The following LHFPL5 variants were observed in gnomAD, a reference collection of about 807,000 sequenced individuals.
LHFPL5 encodes LHFPL tetraspan subfamily member 5, also known as LHFPL tetraspan subfamily member 5 protein.
In LHFPL5, 12 loss-of-function variants were observed where a neutral mutation model predicts 18.7. The ratio of observed to expected loss-of-function variants is 0.64; its 90% CI spans 0.41 to 1.04. The LOEUF is 1.04. Ranked by LOEUF, LHFPL5 falls within the 50% of genes least tolerant of loss-of-function variation. The probability of loss-of-function intolerance (pLI) is 0.00; values close to 1 mark genes in which losing one functional copy is unlikely to be tolerated. For missense variants in LHFPL5, 259 were observed against 292.1 expected (o/e 0.89, Z 0.83); for synonymous variants, 111 against 120.2 (o/e 0.92, Z 0.50).
chr6:35,818,335 ATATATATATATATGTATTTTTTTTTTTT>A (rs1768799278), intron 2 of LHFPL5, among the ~76,000 whole-genome samples: 1 of 7,658 alleles, frequency 1.3e-4, no homozygotes, highest in African/African-American at 2.3e-4. Flanking sequence ...ATATATATAT[ATATATATATATATGTATTTTTTTTTTTT>A]TTTTTTTTTT....
chr6:35,806,812 TTTG>T (rs958926834), intron 1 of LHFPL5, among the ~76,000 whole-genome samples: 58 of 152,062 alleles, frequency 3.8e-4, no homozygotes, highest in African/African-American at 1.3e-3. Flanking sequence ...TTAGGGTCCT[TTTG>T]TTGTTGTTGT....
In LHFPL5 at chr6:35,805,608, C is replaced by T; in HGVS notation, c.-63C>T. 1.9e-6 allele frequency: 3 copies of T among 1,574,962 alleles called. No homozygotes were observed. Among genetic ancestry groups the T allele is most frequent in the Non-Finnish European group, 2.6e-6 (3 of 1,147,002 alleles). The stretch of plus-strand genomic sequence containing the variant: ...TGGGGAGTGACCTGCTTCTAGGCCT[C>T]CATCCACAAAGCTACGGACTTGCAG... On this transcript the variant is annotated 5_prime_UTR_variant, in exon 1 of 4. Transcript: ENST00000360215. The surrounding 1 kb of genome is among the most constrained non-coding windows in gnomAD (Gnocchi z 4.3).
chr6:35,819,564 C>A, intron 3 of LHFPL5, 101 bp downstream of exon 3: 3 of 1,116,766 alleles, frequency 2.7e-6, no homozygotes, highest in Admixed American at 2.0e-5. Context: ...AGGGGCTGGG[C>A]TGTAAGGCTG....
chr6:35,805,840 C>A lies in LHFPL5; in HGVS notation c.170C>A (p.Pro57Gln). The change falls in exon 1 of 4, where the codon CCG (proline) becomes CAG (glutamine). Residue 57 changes from proline to glutamine, a missense_variant. Coordinates refer to ENST00000360215, the MANE Select transcript of LHFPL5 (RefSeq NM_182548.4). This position sits in a 1 kb window ranked among gnomAD's most constrained non-coding sequence, Gnocchi z 4.3. ...TGGATCGGCGACAGCGTCAACACAC[C>A]GCAGGCAGGCTACTTCGGCCTTTTC... is the stretch of plus-strand genomic sequence containing the variant. The part of the protein sequence containing the change: ...PYWIGDSVNT[P>Q]QAGYFGLFSY... 1.2e-6 allele frequency: 2 copies of A among 1,614,258 alleles called. No homozygotes were observed. Among genetic ancestry groups the A allele is most frequent in the Non-Finnish European group, 8.5e-7 (1 of 1,180,038 alleles).
chr6:35,819,583 C>T, intron 3 of LHFPL5, 120 bp downstream of exon 3: 1 of 970,338 alleles, frequency 1.0e-6, no homozygotes, highest in Non-Finnish European at 1.6e-6. Context: ...TGTGATGCTG[C>T]TTGGGGAGAG....
intron 1 of LHFPL5, among the ~76,000 whole-genome samples, chr6:35,812,551 C>T (rs1415282706): frequency 2.0e-5 from 3 of 152,178 alleles, no homozygotes; most frequent in Non-Finnish European, 4.4e-5. Context: ...GTGGGGGCAA[C>T]AGAATTTTTA....
At chr6:35,817,133 A>C (rs1320007227) in intron 2 of LHFPL5, among the ~76,000 whole-genome samples, 1 of 152,160 alleles carries the variant, frequency 6.6e-6, no homozygotes, top group Non-Finnish European at 1.5e-5. Context: ...CATCCTGGCT[A>C]ACATAGTGAA....
At chr6:35,815,279 T>C (rs373427458) in intron 2 of LHFPL5, among the ~76,000 whole-genome samples, 6 of 152,192 alleles carry the variant, frequency 3.9e-5, no homozygotes, top group East Asian at 3.9e-4. Context: ...ATTCTCGTAA[T>C]GTTCGTCCTG....
chr6:35,822,595 C>T (rs1768886565), intron 3 of LHFPL5, among the ~76,000 whole-genome samples: 1 of 151,996 alleles, frequency 6.6e-6, no homozygotes, highest in Admixed American at 6.6e-5. Flanking sequence ...GCAACCTCTG[C>T]CTCCCAGGTT....
At chr6:35,821,481 G>GTGTGTGTA (rs1554147693) in intron 3 of LHFPL5, among the ~76,000 whole-genome samples, 29,382 of 146,908 alleles carry the variant, frequency 0.2, 3,187 homozygotes, top group South Asian at 0.32. Context: ...GTGTGTGTGT[G>GTGTGTGTA]TGTGTGTGTG....
intron 2 of LHFPL5, among the ~76,000 whole-genome samples, chr6:35,816,762 A>T (rs1198631181): frequency 1.4e-5 from 2 of 147,372 alleles, no homozygotes; most frequent in Non-Finnish European, 3.0e-5. Flanking sequence ...CAGTGAGCTG[A>T]GATTGTACCA....
chr6:35,806,771 G>C (rs1341096005), intron 1 of LHFPL5, among the ~76,000 whole-genome samples: 6 of 152,154 alleles, frequency 3.9e-5, no homozygotes, highest in Non-Finnish European at 1.5e-5. Context: ...GCAGCAAATG[G>C]AGTGATATTT....
chr6:35,811,712 C>A (rs1263171767), intron 1 of LHFPL5, among the ~76,000 whole-genome samples: 1 of 152,224 alleles, frequency 6.6e-6, no homozygotes. Context: ...TTCACCTCTG[C>A]CCATGAAGCC....
chr6:35,805,967 CTT>C lies in LHFPL5; in HGVS notation c.299_300del (p.Phe100CysfsTer28). The C allele has an allele frequency of 1.2e-6, 2 of 1,614,234 alleles. No homozygotes were observed. Among genetic ancestry groups the C allele is most frequent in the Non-Finnish European group, 1.7e-6 (2 of 1,180,030 alleles). On this transcript the variant is annotated frameshift_variant, in exon 1 of 4. Coordinates refer to ENST00000360215, the MANE Select transcript of LHFPL5 (RefSeq NM_182548.4). LOFTEE classifies it high-confidence loss of function. The surrounding 1 kb of genome is among the most constrained non-coding windows in gnomAD (Gnocchi z 4.3). Reference protein sequence around the residue: ...PSRAFKTAMFFVALGMFLIIG... With the variant: ...PSRAFKTAMFXVALGMFLIIG... ...CTAGAGCCTTCAAGACTGCCATGTT[CTT>C]TGTGGCCTTGGGCATGTTCCTCATC...
intron 3 of LHFPL5, among the ~76,000 whole-genome samples, chr6:35,821,770 C>T (rs147787498): frequency 2.4e-4 from 36 of 150,738 alleles, no homozygotes; most frequent in African/African-American, 7.1e-4. Flanking sequence ...CATGAGCCAC[C>T]GTGCTCGGCT....
At chr6:35,821,655 A>G (rs939509885) in intron 3 of LHFPL5, among the ~76,000 whole-genome samples, 12 of 151,404 alleles carry the variant, frequency 7.9e-5, no homozygotes, top group Non-Finnish European at 1.6e-4. Context: ...CTAATTTTGT[A>G]TTTTTAGTAG....
At chr6:35,813,495 G>A (rs149760182) in intron 1 of LHFPL5, among the ~76,000 whole-genome samples, 7 of 152,054 alleles carry the variant, frequency 4.6e-5, no homozygotes, top group Non-Finnish European at 1.0e-4. Context: ...CGTCCACCTC[G>A]ACCTCCCAAA....
chr6:35,822,191 T>C lies in LHFPL5; in HGVS notation c.*17-791T>C, dbSNP rs370782244. ...GGCATGAGCCACTGCGCCTGCCTGG[T>C]GTACCATTTTTTAAACCAGACCTTG... On this transcript the variant is annotated intron_variant, in intron 3 of 3. Coordinates refer to ENST00000360215, the MANE Select transcript of LHFPL5 (RefSeq NM_182548.4). 2.6e-5 allele frequency among the ~76,000 whole-genome samples: 4 copies of C among 152,074 alleles called. No individual in the cohort carries two copies. The South Asian group carries it at 8.3e-4, about 32-fold the overall frequency.
At chr6:35,822,643 G>A (rs1357079559) in intron 3 of LHFPL5, among the ~76,000 whole-genome samples, 1 of 152,168 alleles carries the variant, frequency 6.6e-6, no homozygotes, top group Non-Finnish European at 1.5e-5. Context: ...AAGTAGCTAG[G>A]ACTACAGGCA....
Sources: gnomAD v4.1 joint callset for allele counts (sites outside exome capture counted in the v4.1 genomes callset) on GRCh38, gnomAD v4.1.1 for gene constraint, Gnocchi (gnomAD v3.1) non-coding constraint, MANE v1.5 for transcripts, NCBI Gene and HGNC (gene_info 2026-07-23, HGNC 2026-07-21) for gene names.